ZNF580: variants seen among roughly 807,000 people sequenced by gnomAD.
The protein encoded by ZNF580 is zinc finger protein 580, also known as LDL-induced EC protein.
ZNF580 carries 1 observed loss-of-function variant against 1.3 expected under a neutral mutation model. The ratio of observed to expected loss-of-function variants is 0.77; its 90% CI spans 0.27 to 3.65. The LOEUF is 3.65. Among genes scored for constraint, ZNF580 ranks in the 30% most tolerant of loss-of-function variants. The pLI is 0.19. For missense variants in ZNF580, 268 were observed against 272.3 expected (o/e 0.98, Z 0.11); for synonymous variants, 135 against 128.8 (o/e 1.05, Z -0.32).
In ZNF580 at chr19:55,641,112, C is replaced by T. The variant is rs944148075; in HGVS notation, c.-84C>T. ...GGAAGTCTCGGTTCCGCCGCCGGCG[C>T]TCGCCAGGGGAAGCCCGGGGCCGCC... On this transcript the variant is annotated 5_prime_UTR_variant, in exon 1 of 2. Coordinates refer to ENST00000325333, the MANE Select transcript of ZNF580 (RefSeq NM_207115.2). 1.2e-5 allele frequency: 12 copies of T among 985,120 alleles called. No individual in the cohort carries two copies. Among genetic ancestry groups the T allele is most frequent in the Non-Finnish European group, 1.4e-5 (12 of 829,906 alleles). 61.0% of individuals were successfully genotyped at this position (985,120 alleles called of 1,614,324 possible).
rs1982434439 is a variant in ZNF580 at position 55,641,092 on chromosome 19, T to C, written c.-104T>C. On this transcript the variant is annotated 5_prime_UTR_variant, in exon 1 of 2. Coordinates refer to ENST00000325333, the MANE Select transcript of ZNF580 (RefSeq NM_207115.2). Reference sequence around the variant, plus strand: ...CCGCCGGCCCGGAGCTGCCCGGAAGTCTCGGTTCCGCCGCCGGCGCTCGCC... The same window carrying C: ...CCGCCGGCCCGGAGCTGCCCGGAAGCCTCGGTTCCGCCGCCGGCGCTCGCC... 4 of 985,080 alleles carry C rather than the reference T, an allele frequency of 4.1e-6. No homozygotes were observed. The South Asian group carries it at 1.4e-4, about 35-fold the overall frequency. The allele number at this position is 985,080 out of a possible 1,614,324, so 61.0% of individuals were successfully genotyped here. A position where few individuals can be genotyped will look rare whatever the true frequency, so the allele number is the denominator to read the frequency against.
Position 55,641,038 on chromosome 19 carries a change from C to G in ZNF580, c.-158C>G. On this transcript the variant is annotated 5_prime_UTR_variant, in exon 1 of 2. Transcript: ENST00000325333. Reference sequence around the variant, plus strand: ...GGGACTCCGCCAACCCCTCGCACCCCCGCGCCCCCAGTCCCCGCGTCCCCG... The same window carrying G: ...GGGACTCCGCCAACCCCTCGCACCCGCGCGCCCCCAGTCCCCGCGTCCCCG... 9.1e-6 allele frequency: 9 copies of G among 985,134 alleles called. No homozygotes were observed. The highest frequency in any genetic ancestry group is 1.1e-5 in the Non-Finnish European group (9 of 829,740). The allele number at this position is 985,134 out of a possible 1,614,324, so 61.0% of individuals were successfully genotyped here. A position where few individuals can be genotyped will look rare whatever the true frequency, so the allele number is the denominator to read the frequency against.
chr19:55,643,316 T>G lies in ZNF580; in HGVS notation c.*289T>G. 2.6e-6 allele frequency: 1 copy of G among 389,204 alleles called. No homozygotes were observed. Among genetic ancestry groups the G allele is most frequent in the Non-Finnish European group, 4.7e-6 (1 of 213,882 alleles). The allele number at this position is 389,204 out of a possible 1,614,324, so 24.1% of individuals were successfully genotyped here. On this transcript the variant is annotated 3_prime_UTR_variant, in exon 2 of 2. Coordinates refer to ENST00000325333, the MANE Select transcript of ZNF580 (RefSeq NM_207115.2). The stretch of plus-strand genomic sequence containing the variant: ...GCCTGTGCAAGTGACATGACCTCTC[T>G]AAACCTTGGTTTTCTGCTCTCTGGA...
chr19:55,641,005 T>G lies in ZNF580; in HGVS notation c.-191T>G. ...GGCTCGCGCGCTTCCGGCCGGCGCC[T>G]TTTCCCAGGGACTCCGCCAACCCCT... On this transcript the variant is annotated 5_prime_UTR_variant, in exon 1 of 2. Transcript: ENST00000325333. The G allele has an allele frequency of 3.0e-6, 3 of 985,220 alleles. No homozygotes were observed. Among genetic ancestry groups the G allele is most frequent in the Non-Finnish European group, 3.6e-6 (3 of 829,866 alleles). 61.0% of individuals were successfully genotyped at this position (985,220 alleles called of 1,614,324 possible). A position where few individuals can be genotyped will look rare whatever the true frequency, so the allele number is the denominator to read the frequency against.
rs1414902352 is a variant in ZNF580 at position 55,641,129 on chromosome 19, G to A, written c.-67G>A. On this transcript the variant is annotated 5_prime_UTR_variant, in exon 1 of 2. Transcript: ENST00000325333. ...CGCCGGCGCTCGCCAGGGGAAGCCC[G>A]GGGCCGCCCGGGACCTCGGCCCGTT... 31 of 985,062 alleles carry A rather than the reference G, an allele frequency of 3.1e-5. No individual in the cohort carries two copies. Among genetic ancestry groups the A allele is most frequent in the Middle Eastern group, 5.2e-4 (1 of 1,934 alleles). 61.0% of individuals were successfully genotyped at this position (985,062 alleles called of 1,614,324 possible). A position where few individuals can be genotyped will look rare whatever the true frequency, so the allele number is the denominator to read the frequency against.
Position 55,643,296 on chromosome 19 carries a change from T to A in ZNF580, c.*269T>A. On this transcript the variant is annotated 3_prime_UTR_variant, in exon 2 of 2. Coordinates refer to ENST00000325333, the MANE Select transcript of ZNF580 (RefSeq NM_207115.2). ...AGTCCAGCTGTGCTGTGTGAGCCTG[T>A]GCAAGTGACATGACCTCTCTAAACC... 2.3e-6 allele frequency: 1 copy of A among 428,166 alleles called. No homozygotes were observed. Among genetic ancestry groups the A allele is most frequent in the Non-Finnish European group, 4.1e-6 (1 of 243,852 alleles). 26.5% of individuals were successfully genotyped at this position (428,166 alleles called of 1,614,324 possible). A position where few individuals can be genotyped will look rare whatever the true frequency, so the allele number is the denominator to read the frequency against.
Position 55,641,051 on chromosome 19 carries a change from C to A in ZNF580, c.-145C>A. ...CCCCTCGCACCCCCGCGCCCCCAGT[C>A]CCCGCGTCCCCGGCGCCGCCGGCCC... On this transcript the variant is annotated 5_prime_UTR_variant, in exon 1 of 2. Coordinates refer to ENST00000325333, the MANE Select transcript of ZNF580 (RefSeq NM_207115.2). 5 of 985,180 alleles carry A rather than the reference C, an allele frequency of 5.1e-6. No individual in the cohort carries two copies. The South Asian group carries it at 2.3e-4, about 46-fold the overall frequency. 61.0% of individuals were successfully genotyped at this position (985,180 alleles called of 1,614,324 possible).
At chr19:55,642,446 T>C (rs896687457) in intron 1 of ZNF580, 51 bp from the exon 2 acceptor site, 35 of 1,395,852 alleles carry the variant, frequency 2.5e-5, no homozygotes, top group Middle Eastern at 3.8e-4. Context: ...TAGGAAACTT[T>C]TCCTAAAAGG....
At position 55,643,199 on chromosome 19, in the gene ZNF580, T is replaced by G. The variant is rs1982642695; in HGVS notation, c.*172T>G. ...GGAGCATCATTCCTTCCTTACCCCCTTTCTAGCTGTGTGATGTAGACCAAA... is the reference window on the plus strand; with the variant it reads ...GGAGCATCATTCCTTCCTTACCCCCGTTCTAGCTGTGTGATGTAGACCAAA... On this transcript the variant is annotated 3_prime_UTR_variant, in exon 2 of 2. Coordinates refer to ENST00000325333, the MANE Select transcript of ZNF580 (RefSeq NM_207115.2). 13 of 1,159,172 alleles carry G rather than the reference T, an allele frequency of 1.1e-5. No homozygotes were observed. The highest frequency in any genetic ancestry group is 1.4e-5 in the Non-Finnish European group (13 of 900,682). 71.8% of individuals were successfully genotyped at this position (1,159,172 alleles called of 1,614,324 possible).
chr19:55,642,501 C>T lies in ZNF580; in HGVS notation c.-8C>T, dbSNP rs1233968212. The T allele has an allele frequency of 2.8e-6, 4 of 1,429,570 alleles. No homozygotes were observed. The highest frequency in any genetic ancestry group is 3.7e-6 in the Non-Finnish European group (4 of 1,092,960). The allele number at this position is 1,429,570 out of a possible 1,614,324, so 88.6% of individuals were successfully genotyped here. ...TCTCCCCTCCGCCGCTCCCAGCTGCCGCTCCAGATGCTGCTGCTGCCGCCG... is the reference window on the plus strand; with the variant it reads ...TCTCCCCTCCGCCGCTCCCAGCTGCTGCTCCAGATGCTGCTGCTGCCGCCG... On this transcript the variant is annotated 5_prime_UTR_variant, in exon 2 of 2. Coordinates refer to ENST00000325333, the MANE Select transcript of ZNF580 (RefSeq NM_207115.2).
Position 55,642,951 on chromosome 19 carries a change from C to T in ZNF580, c.443C>T (p.Pro148Leu), listed in dbSNP as rs1011418789. ...HRATHRARAGPPHTCPLCPRR... is the reference protein window; with the variant it reads ...HRATHRARAGLPHTCPLCPRR... ...GCCACGCACCGCGCCCGCGCCGGGCCGCCGCACACCTGCCCGCTCTGCCCA... is the reference window on the plus strand; with the variant it reads ...GCCACGCACCGCGCCCGCGCCGGGCTGCCGCACACCTGCCCGCTCTGCCCA... The change falls in exon 2 of 2, where the codon CCG becomes CTG. Residue 148 changes from proline (P) to leucine (L), a missense_variant. Pro to Leu is a moderately conservative substitution (Grantham distance 98, BLOSUM62 -3). Transcript: ENST00000325333. The T allele has an allele frequency of 6.3e-6, 9 of 1,427,962 alleles. No individual in the cohort carries two copies. Among genetic ancestry groups the T allele is most frequent in the African/African-American group, 6.0e-5 (4 of 66,766 alleles). The allele number at this position is 1,427,962 out of a possible 1,614,324, so 88.5% of individuals were successfully genotyped here.
intron 1 of ZNF580, chr19:55,642,082 A>G (rs927201149): frequency 2.0e-6 from 2 of 990,590 alleles, no homozygotes; most frequent in Non-Finnish European, 2.4e-6. Flanking sequence ...GCAACAGGAA[A>G]AAAGAAGAAA....
intron 1 of ZNF580, 25 bp from the exon 2 acceptor site, chr19:55,642,468 TTAAC>T: frequency 1.4e-6 from 2 of 1,401,506 alleles, no homozygotes; most frequent in Non-Finnish European, 1.9e-6. Flanking sequence ...AGTGGCAATT[TTAAC>T]TAATCTCCCC....
chr19:55,641,267 C>T (rs1346515212), intron 1 of ZNF580, 84 bp downstream of exon 1: 4 of 877,320 alleles, frequency 4.6e-6, no homozygotes, highest in African/African-American at 1.8e-5. Flanking sequence ...CTGGAGCCAC[C>T]CGGGATGGGG....
At chr19:55,641,326 C>G (rs930453285) in intron 1 of ZNF580, 143 bp downstream of exon 1, 1 of 526,754 alleles carries the variant, frequency 1.9e-6, no homozygotes, top group Non-Finnish European at 2.4e-6. Context: ...GAGGGGAAGT[C>G]GAGGCGCCAG....
chr19:55,642,766 C>G lies in ZNF580; in HGVS notation c.258C>G (p.Pro86=). The G allele has an allele frequency of 6.5e-7, 1 of 1,544,708 alleles. No individual in the cohort carries two copies. Among genetic ancestry groups the G allele is most frequent in the Non-Finnish European group, 8.7e-7 (1 of 1,151,250 alleles). The change falls in exon 2 of 2, where the codon CCC becomes CCG. Residue 86 remains proline, a synonymous_variant. Coordinates refer to ENST00000325333, the MANE Select transcript of ZNF580 (RefSeq NM_207115.2). ...AGCGCGAGGCGCCCCCAGGAGAGCC[C>G]GGCCCTCGCAAGGGCTACAGCTGCC... The part of the protein sequence containing the change: ...PPQREAPPGE[P]GPRKGYSCPE...
At chr19:55,642,282 C>T in intron 1 of ZNF580, 4 of 1,242,510 alleles carry the variant, frequency 3.2e-6, no homozygotes, top group Non-Finnish European at 4.0e-6. Context: ...CAGGTGGTGG[C>T]GGGGTTTTGC....
In ZNF580 at chr19:55,643,393, C is replaced by T; in HGVS notation, c.*366C>T. ...GAAGAGATGATAAAGAGCACGGGCACGGTCTGGTTCATTTCTGTATCTACC... is the reference window on the plus strand; with the variant it reads ...GAAGAGATGATAAAGAGCACGGGCATGGTCTGGTTCATTTCTGTATCTACC... On this transcript the variant is annotated 3_prime_UTR_variant, in exon 2 of 2. Coordinates refer to ENST00000325333, the MANE Select transcript of ZNF580 (RefSeq NM_207115.2). 4.0e-6 allele frequency: 1 copy of T among 252,110 alleles called. No homozygotes were observed. The highest frequency in any genetic ancestry group is 8.1e-6 in the Non-Finnish European group (1 of 122,958). The allele number at this position is 252,110 out of a possible 1,614,324, so 15.6% of individuals were successfully genotyped here.
chr19:55,643,061 T>C lies in ZNF580; in HGVS notation c.*34T>C, dbSNP rs974250678. On this transcript the variant is annotated 3_prime_UTR_variant, in exon 2 of 2. Transcript: ENST00000325333. ...CCCGGCCTGTGCTGCCCTGCCCGTCTCAGGGCCACCAAGTCTGACCCACAC... is the reference window on the plus strand; with the variant it reads ...CCCGGCCTGTGCTGCCCTGCCCGTCCCAGGGCCACCAAGTCTGACCCACAC... 2 of 1,340,962 alleles carry C rather than the reference T, an allele frequency of 1.5e-6. No homozygotes were observed. Among genetic ancestry groups the C allele is most frequent in the Admixed American group, 4.1e-5 (1 of 24,202 alleles). 83.1% of individuals were successfully genotyped at this position (1,340,962 alleles called of 1,614,324 possible).
Sources: gnomAD v4.1 joint callset for allele counts on GRCh38, gnomAD v4.1.1 for gene constraint, MANE v1.5 for transcripts, NCBI Gene and HGNC (gene_info 2026-07-23, HGNC 2026-07-21) for gene names.